Variants in COPG2 observed in about 807,000 individuals in gnomAD.
COPG2 encodes coat protein complex I subunit gamma 2, also known as coatomer subunit gamma-2.
A neutral mutation model predicts 46.3 loss-of-function variants in COPG2; 37 were observed. That is an observed-to-expected ratio of 0.80 (90% confidence interval 0.61 to 1.05). COPG2 has a LOEUF of 1.05. Among genes scored for constraint, COPG2 ranks in the 50% least tolerant of loss-of-function variants. COPG2 has a pLI of 0.00. For synonymous variants in COPG2, 159 were observed against 129.7 expected (o/e 1.23, Z -1.53); for missense variants, 427 against 387.8 (o/e 1.10, Z -0.85).
chr7:130,516,291 G>A (rs1799677653), intron 20 of COPG2, among the ~76,000 whole-genome samples: 1 of 152,152 alleles, frequency 6.6e-6, no homozygotes, highest in Non-Finnish European at 1.5e-5. Context: ...CTAAGGGGAA[G>A]GGAAGGCTTA....
At chr7:130,571,596 G>A (rs1425067004) in intron 9 of COPG2, among the ~76,000 whole-genome samples, 1 of 152,160 alleles carries the variant, frequency 6.6e-6, no homozygotes, top group East Asian at 1.9e-4. Context: ...CACTGATGGT[G>A]GGAATGTGAA....
intron 20 of COPG2, chr7:130,509,788 A>G (rs1381909154): frequency 5.8e-6 from 3 of 512,950 alleles, no homozygotes; most frequent in Non-Finnish European, 1.2e-5. Flanking sequence ...TTACAACTCA[A>G]TGCCATAGAT....
chr7:130,614,277 A>C (rs574919353), intron 6 of COPG2, among the ~76,000 whole-genome samples: 148 of 152,344 alleles, frequency 9.7e-4, no homozygotes, highest in African/African-American at 3.2e-3. Context: ...TAGCATGGTC[A>C]AGTCTCACGC....
intron 20 of COPG2, among the ~76,000 whole-genome samples, chr7:130,513,300 AAAAAAAAAAT>A (rs1799627759): frequency 2.6e-5 from 1 of 38,702 alleles, no homozygotes; most frequent in African/African-American, 1.4e-4. Flanking sequence ...TAAAAAAAAA[AAAAAAAAAAT>A]ATATATATAT....
intron 20 of COPG2, chr7:130,509,754 T>A (rs371782164): frequency 1.9e-6 from 1 of 518,724 alleles, no homozygotes; most frequent in African/African-American, 1.9e-5. Context: ...GTGGGCTGTG[T>A]GTGTGTGTGA....
rs1793531288 is a variant in COPG2, at chr7:130,551,226, T to G, written c.1648+15A>C. Reference sequence around the variant, plus strand: ...ATTTGAGGAACAAAAGTGTACATCCTTGGCTTTCACTGACCATTAAAGATA... The same window carrying G: ...ATTTGAGGAACAAAAGTGTACATCCGTGGCTTTCACTGACCATTAAAGATA... On this transcript the variant is annotated intron_variant, in intron 16 of 23. Coordinates refer to ENST00000425248, the MANE Select transcript of COPG2 (RefSeq NM_012133.6). 1 of 398,510 alleles carries G rather than the reference T, an allele frequency of 2.5e-6. No homozygotes were observed. The allele number at this position is 398,510 out of a possible 1,614,324, so 24.7% of individuals were successfully genotyped here.
At chr7:130,572,058 T>A (rs1221368767) in intron 9 of COPG2, among the ~76,000 whole-genome samples, 2 of 151,838 alleles carry the variant, frequency 1.3e-5, no homozygotes, top group Non-Finnish European at 2.9e-5. Flanking sequence ...CGCAAAGGCA[T>A]GAGAATGATA....
intron 9 of COPG2, chr7:130,610,537 A>G (rs1554451878): frequency 5.8e-6 from 3 of 520,438 alleles, no homozygotes; most frequent in Non-Finnish European, 1.2e-5. Flanking sequence ...AAAGACTGCT[A>G]AAGTATATTT....
intron 5 of COPG2, among the ~76,000 whole-genome samples, chr7:130,645,878 C>A (rs1440045374): frequency 3.9e-5 from 6 of 152,192 alleles, no homozygotes; most frequent in Admixed American, 2.6e-4. Context: ...AGAAAGTGAA[C>A]AAGCAAAATC....
At position 130,613,653 on chromosome 7, in the gene COPG2, A is replaced by G; in HGVS notation, c.400-17T>C. The stretch of plus-strand genomic sequence containing the variant: ...CATTGTTCCCTAATAACATTCAAAA[A>G]GAAAAAATTGTTAAGGAAAAACATG... On this transcript the variant is annotated splice_polypyrimidine_tract_variant and intron_variant, in intron 6 of 23. Transcript: ENST00000425248. 6.5e-7 allele frequency: 1 copy of G among 1,548,926 alleles called. No individual in the cohort carries two copies. The highest frequency in any genetic ancestry group is 8.8e-7 in the Non-Finnish European group (1 of 1,134,358).
chr7:130,517,579 T>C (rs993486963), intron 20 of COPG2, among the ~76,000 whole-genome samples: 57 of 152,332 alleles, frequency 3.7e-4, no homozygotes, highest in Non-Finnish European at 6.6e-4. Context: ...TACATCGGTA[T>C]TGACCATTTA....
intron 9 of COPG2, among the ~76,000 whole-genome samples, chr7:130,578,150 T>G (rs1470631446): frequency 2.7e-5 from 4 of 150,440 alleles, no homozygotes; most frequent in Non-Finnish European, 6.0e-5. Flanking sequence ...GCTGGAGATC[T>G]GAGAACGGGC....
At chr7:130,595,660 A>C (rs972758823) in intron 9 of COPG2, among the ~76,000 whole-genome samples, 1 of 152,178 alleles carries the variant, frequency 6.6e-6, no homozygotes, top group Non-Finnish European at 1.5e-5. Context: ...GAGTACCCCC[A>C]CACTCCCTTG....
chr7:130,646,725 T>C (rs1584606416), intron 5 of COPG2, among the ~76,000 whole-genome samples: 1 of 151,956 alleles, frequency 6.6e-6, no homozygotes, highest in East Asian at 1.9e-4. Flanking sequence ...TGAGTTCTCA[T>C]GAGATCTGAT....
At chr7:130,583,976 C>T (rs1243090437) in intron 9 of COPG2, among the ~76,000 whole-genome samples, 1 of 151,638 alleles carries the variant, frequency 6.6e-6, no homozygotes, top group East Asian at 1.9e-4. Flanking sequence ...GCCAGTATTG[C>T]CCTAATACCA....
At chr7:130,564,434 T>G (rs1369716951) in intron 9 of COPG2, 41 bp from the exon 10 acceptor site, 1 of 398,308 alleles carries the variant, frequency 2.5e-6, no homozygotes, top group Non-Finnish European at 4.4e-6. Flanking sequence ...AGATATCAAA[T>G]AGAGAGGCAA....
chr7:130,623,345 T>C (rs1489192481), intron 5 of COPG2, among the ~76,000 whole-genome samples: 6 of 152,202 alleles, frequency 3.9e-5, no homozygotes, highest in Admixed American at 3.3e-4. Context: ...TATCAGATTG[T>C]ATCTGAAAAA....
At chr7:130,523,703 AG>A (rs1389828993) in intron 20 of COPG2, among the ~76,000 whole-genome samples, 1 of 152,188 alleles carries the variant, frequency 6.6e-6, no homozygotes, top group Non-Finnish European at 1.5e-5. Context: ...AGTGAGGCCC[AG>A]AGAAGGGCCC....
At chr7:130,636,538 G>GTTTTTTTT (rs59688621) in intron 5 of COPG2, among the ~76,000 whole-genome samples, 6 of 94,108 alleles carry the variant, frequency 6.4e-5, no homozygotes, top group African/African-American at 8.5e-5. Context: ...ATTGCAACCG[G>GTTTTTTTT]TTTTTTTTTT....
Sources: gnomAD v4.1 joint callset for allele counts (sites outside exome capture counted in the v4.1 genomes callset) on GRCh38, gnomAD v4.1.1 for gene constraint, MANE v1.5 for transcripts, NCBI Gene and HGNC (gene_info 2026-07-23, HGNC 2026-07-21) for gene names.